The following SLC14A2 variants were observed in gnomAD, a reference collection of about 807,000 sequenced individuals.
SLC14A2 encodes the protein solute carrier family 14 member 2, also known as urea transporter 2.
A neutral mutation model predicts 104.6 loss-of-function variants in SLC14A2; 91 were observed. The observed-to-expected ratio is 0.87, with a 90% CI of 0.73 to 1.04. The LOEUF (loss-of-function observed/expected upper bound fraction) is 1.04. SLC14A2 is among the 50% of genes least tolerant of loss of function. The pLI is 0.00. For synonymous variants in SLC14A2, 476 were observed against 466.4 expected (o/e 1.02, Z -0.27); for missense variants, 1,189 against 1,156.0 (o/e 1.03, Z -0.41).
At chr18:45,573,830 A>G (rs779392587) in intron 2 of SLC14A2, among the ~76,000 whole-genome samples, 12 of 152,254 alleles carry the variant, frequency 7.9e-5, no homozygotes, top group Non-Finnish European at 1.6e-4. Flanking sequence ...CTCATCAAAA[A>G]TATATCATCT....
chr18:45,573,785 G>A (rs939168980), intron 2 of SLC14A2, among the ~76,000 whole-genome samples: 9 of 152,176 alleles, frequency 5.9e-5, no homozygotes, highest in Admixed American at 5.9e-4. Context: ...AGGCCAATGA[G>A]TAAAATGTAA....
chr18:45,186,650 A>C, the SLC14A2 span, among the ~76,000 whole-genome samples: 1 of 152,106 alleles, frequency 6.6e-6, no homozygotes, highest in Non-Finnish European at 1.5e-5. Context: ...ACAAACTGCC[A>C]CTCCCAGATC....
chr18:45,498,869 C>T (rs2043145454), intron 2 of SLC14A2, among the ~76,000 whole-genome samples: 1 of 152,226 alleles, frequency 6.6e-6, no homozygotes, highest in African/African-American at 2.4e-5. Flanking sequence ...CTACTCTCCA[C>T]CTTCTTTAAC....
chr18:45,442,673 A>T (rs1046826760), intron 1 of SLC14A2, among the ~76,000 whole-genome samples: 5 of 152,204 alleles, frequency 3.3e-5, no homozygotes, highest in Admixed American at 3.3e-4. Flanking sequence ...GGACTTCAAC[A>T]TATGAATTTT....
At chr18:45,197,636 G>C in the SLC14A2 span, among the ~76,000 whole-genome samples, 3 of 152,126 alleles carry the variant, frequency 2.0e-5, no homozygotes, top group Non-Finnish European at 4.4e-5. Context: ...CCCACTGATG[G>C]GTTTATAATG....
At chr18:45,546,553 A>G (rs900700685) in intron 2 of SLC14A2, among the ~76,000 whole-genome samples, 4 of 152,244 alleles carry the variant, frequency 2.6e-5, no homozygotes, top group Admixed American at 2.0e-4. Flanking sequence ...AGCCCTAGCT[A>G]TGGAAAGGAA....
intron 4 of SLC14A2, 79 bp from the exon 5 acceptor site, chr18:45,632,271 A>C: frequency 6.6e-7 from 1 of 1,519,810 alleles, no homozygotes; most frequent in Non-Finnish European, 8.9e-7. Flanking sequence ...TAAATTAAGC[A>C]TATCCTCAGA....
rs186736455 is a variant in SLC14A2, at chr18:45,587,230, C to T, written c.-34-37401C>T. ...CCTCAAGTGATCCGCCTGCCTCGGCCTCCCACAGTGCTGGGATTACAGACA... is the reference window on the plus strand; with the variant it reads ...CCTCAAGTGATCCGCCTGCCTCGGCTTCCCACAGTGCTGGGATTACAGACA... On this transcript the variant is annotated intron_variant, in intron 2 of 20. Transcript: ENST00000586448. Among the ~76,000 whole-genome samples, 538 of 152,312 alleles carry T rather than the reference C, an allele frequency of 3.5e-3. 3 individuals are homozygous for T. Among genetic ancestry groups the T allele is most frequent in the African/African-American group, 0.012 (519 of 41,564 alleles).
the SLC14A2 span, among the ~76,000 whole-genome samples, chr18:45,204,810 TAAA>T: frequency 4.4e-4 from 61 of 138,204 alleles, no homozygotes; most frequent in African/African-American, 1.1e-3. Context: ...ATCACTGAGA[TAAA>T]AAAAAAAAAA....
intron 1 of SLC14A2, among the ~76,000 whole-genome samples, chr18:45,261,733 T>A (rs1397262094): frequency 6.6e-6 from 1 of 152,198 alleles, no homozygotes; most frequent in Non-Finnish European, 1.5e-5. Context: ...ACAAAGGACA[T>A]GAACTCATCA....
At chr18:45,499,345 G>A (rs149606099) in intron 2 of SLC14A2, among the ~76,000 whole-genome samples, 2 of 152,200 alleles carry the variant, frequency 1.3e-5, no homozygotes, top group South Asian at 4.1e-4. Context: ...TAACTATGAT[G>A]TCATGTGGCT....
chr18:45,218,775 A>T (rs1346769172), intron 1 of SLC14A2, among the ~76,000 whole-genome samples: 2 of 152,190 alleles, frequency 1.3e-5, no homozygotes, highest in African/African-American at 2.4e-5. Flanking sequence ...CATCCTAAAA[A>T]GATGCCCCGC....
At chr18:45,616,143 G>C (rs760959330) in intron 1 of SLC14A2, among the ~76,000 whole-genome samples, 1 of 152,174 alleles carries the variant, frequency 6.6e-6, no homozygotes, top group African/African-American at 2.4e-5. Context: ...AACCGAGGGA[G>C]ATTGAGAACA....
the SLC14A2 span, among the ~76,000 whole-genome samples, chr18:45,187,797 TAAG>T: frequency 3.9e-5 from 6 of 152,274 alleles, no homozygotes; most frequent in Non-Finnish European, 8.8e-5. Context: ...TGTTTGATAA[TAAG>T]AGAATTCTGT....
intron 1 of SLC14A2, among the ~76,000 whole-genome samples, chr18:45,452,595 TTTA>T (rs1297061950): frequency 1.3e-5 from 2 of 152,132 alleles, no homozygotes; most frequent in Admixed American, 6.6e-5. Context: ...ATTTTATGTG[TTTA>T]TTATTTTTCT....
intron 1 of SLC14A2, among the ~76,000 whole-genome samples, chr18:45,464,972 A>G (rs977189785): frequency 6.6e-6 from 1 of 152,322 alleles, no homozygotes; most frequent in Admixed American, 6.5e-5. Flanking sequence ...GAAAGCCAAA[A>G]TGCAGGCAGG....
chr18:45,203,138 TCAAAAGCAAA>T, the SLC14A2 span, among the ~76,000 whole-genome samples: 1 of 152,108 alleles, frequency 6.6e-6, no homozygotes, highest in African/African-American at 2.4e-5. Flanking sequence ...GAGAGGCACT[TCAAAAGCAAA>T]TCTCCTGAAA....
chr18:45,271,690 G>C (rs1247961274), intron 1 of SLC14A2, among the ~76,000 whole-genome samples: 1 of 152,072 alleles, frequency 6.6e-6, no homozygotes, highest in Non-Finnish European at 1.5e-5. Context: ...TTCATGGATT[G>C]GAAGAATCAA....
intron 1 of SLC14A2, among the ~76,000 whole-genome samples, chr18:45,408,997 G>A (rs2086185845): frequency 6.6e-6 from 1 of 152,086 alleles, no homozygotes; most frequent in African/African-American, 2.4e-5. Context: ...ATGCAATCTG[G>A]GATTGGCTCA....
Sources: gnomAD v4.1 joint callset for allele counts (sites outside exome capture counted in the v4.1 genomes callset) on GRCh38, gnomAD v4.1.1 for gene constraint, MANE v1.5 for transcripts, NCBI Gene and HGNC (gene_info 2026-07-23, HGNC 2026-07-21) for gene names.